The following NAV2 variants were observed in gnomAD, a reference collection of about 807,000 sequenced individuals.
NAV2 encodes helicase, APC down-regulated 1.
In NAV2, 54 loss-of-function variants were observed where a neutral mutation model predicts 223.2. That is an observed-to-expected ratio of 0.24 (90% CI 0.19 to 0.30). The LOEUF (loss-of-function observed/expected upper bound fraction) is 0.30, where lower values mean the gene tolerates loss of function less well. Ranked by LOEUF, NAV2 falls within the 10% of genes least tolerant of loss-of-function variation. NAV2 has a pLI of 1.00. For missense variants in NAV2, 2,806 were observed against 3,147.5 expected (o/e 0.89, Z 2.60); for synonymous variants, 1,279 against 1,239.3 (o/e 1.03, Z -0.67).
intron 1 of NAV2, among the ~76,000 whole-genome samples, chr11:19,772,646 G>A (rs556403205): frequency 6.6e-6 from 1 of 152,302 alleles, no homozygotes; most frequent in South Asian, 2.1e-4. Flanking sequence ...CCTCCCCATG[G>A]GGTGCCACAG....
intron 10 of NAV2, among the ~76,000 whole-genome samples, chr11:19,969,807 G>C (rs111359253): frequency 6.6e-6 from 1 of 151,730 alleles, no homozygotes; most frequent in African/African-American, 2.4e-5. Flanking sequence ...TTAGCCAGGC[G>C]TGGTGGCAGG....
Position 19,399,139 on chromosome 11 carries a change from C to T in NAV2, c.75+48112C>T, listed in dbSNP as rs550222008. ...GACTTGTTGGCCCTGTTCCACGGCA[C>T]GAGAAAGTGGATATTAAGAAGATAA... On this transcript the variant is annotated intron_variant, in intron 1 of 37. Coordinates refer to the NAV2 transcript ENST00000360655. Among the ~76,000 whole-genome samples the T allele has an allele frequency of 1.5e-4, 23 of 152,218 alleles. No individual in the cohort carries two copies. In the South Asian group the frequency reaches 3.5e-3, roughly 23 times the overall value.
chr11:19,690,621 A>G lies in NAV2; in HGVS notation c.76-141863A>G, dbSNP rs1180184301. ...AAGGAGGCAGTGACAATGGGGACAC[A>G]TGTGTTGGTTCCCCACCATATGTGA... is the stretch of plus-strand genomic sequence containing the variant. On this transcript the variant is annotated intron_variant, in intron 1 of 37. Transcript: ENST00000360655. Among the ~76,000 whole-genome samples the G allele has an allele frequency of 7.9e-5, 12 of 152,232 alleles. 1 individual carries two copies.
intron 10 of NAV2, among the ~76,000 whole-genome samples, chr11:19,961,605 G>T (rs940134599): frequency 3.3e-5 from 5 of 152,166 alleles, no homozygotes; most frequent in Non-Finnish European, 7.3e-5. Flanking sequence ...AGAGGCAGAA[G>T]ACCTGACTTC....
intron 1 of NAV2, among the ~76,000 whole-genome samples, chr11:19,516,387 C>T (rs1048699829): frequency 4.6e-5 from 7 of 152,188 alleles, no homozygotes; most frequent in African/African-American, 7.2e-5. Flanking sequence ...CTAACAACAC[C>T]GTGGGCGGGA....
intron 1 of NAV2, among the ~76,000 whole-genome samples, chr11:19,418,844 C>T (rs759060361): frequency 6.6e-5 from 10 of 151,968 alleles, no homozygotes; most frequent in South Asian, 2.1e-4. Context: ...TCAGGGAGAC[C>T]GGTTAGGCTA....
At chr11:19,935,214 T>G (rs2045739958) in intron 7 of NAV2, among the ~76,000 whole-genome samples, 1 of 152,220 alleles carries the variant, frequency 6.6e-6, no homozygotes. Flanking sequence ...GCAGTGCATT[T>G]GGCCACATTG....
At position 19,525,558 on chromosome 11, in the gene NAV2, G is replaced by T. The variant is rs945961550; in HGVS notation, c.75+174531G>T. On this transcript the variant is annotated intron_variant, in intron 1 of 37. Transcript: ENST00000360655. ...GTGCCCAGGGAGCCACGCAGGGGAA[G>T]AAGGTTAGAAGGCTGGGTAGTCCCT... is the stretch of plus-strand genomic sequence containing the variant. Among the ~76,000 whole-genome samples, 4 of 152,326 alleles carry T rather than the reference G, an allele frequency of 2.6e-5. 1 individual carries two copies. The South Asian group carries it at 8.3e-4, about 32-fold the overall frequency.
chr11:20,026,450 AC>A (rs1200229396), intron 11 of NAV2, among the ~76,000 whole-genome samples: 6 of 151,998 alleles, frequency 3.9e-5, no homozygotes, highest in African/African-American at 1.4e-4. Flanking sequence ...AGCTAGGACT[AC>A]AGGTGCCTGC....
At chr11:19,940,039 C>T (rs2153321566) in intron 8 of NAV2, among the ~76,000 whole-genome samples, 1 of 151,750 alleles carries the variant, frequency 6.6e-6, no homozygotes, top group African/African-American at 2.4e-5. Context: ...TTTTAAGATA[C>T]GTTCAGTTTT....
chr11:19,848,528 G>A (rs2060933251), intron 3 of NAV2, among the ~76,000 whole-genome samples: 1 of 152,212 alleles, frequency 6.6e-6, no homozygotes, highest in African/African-American at 2.4e-5. Flanking sequence ...ACAGCTGAGA[G>A]CAAGGGCTGG....
rs2050010165 is a variant in NAV2, at chr11:19,713,496, A to T, written c.-200A>T. On this transcript the variant is annotated 5_prime_UTR_variant, in exon 1 of 38. Coordinates refer to ENST00000349880, the MANE Select transcript of NAV2 (RefSeq NM_145117.5). The surrounding 1 kb of genome is among the most constrained non-coding windows in gnomAD (Gnocchi z 7.2). ...CGCTGAGCGCCGTGGCCAGTCCCCC[A>T]TTCCCATCCCGGCACCCCAAAGGCG... is the stretch of plus-strand genomic sequence containing the variant. 7.3e-7 allele frequency: 1 copy of T among 1,376,940 alleles called. No homozygotes were observed. Among genetic ancestry groups the T allele is most frequent in the African/African-American group, 1.5e-5 (1 of 67,172 alleles). 85.3% of individuals were successfully genotyped at this position (1,376,940 alleles called of 1,614,324 possible).
At chr11:19,594,298 ATCTG>A (rs1174990958) in intron 1 of NAV2, among the ~76,000 whole-genome samples, 2 of 152,176 alleles carry the variant, frequency 1.3e-5, no homozygotes, top group African/African-American at 4.8e-5. Context: ...ACAGATTTCT[ATCTG>A]TCTGTGTCAT....
At position 19,697,911 on chromosome 11, in the gene NAV2, C is replaced by T. The variant is rs145862755; in HGVS notation, c.76-134573C>T. On this transcript the variant is annotated intron_variant, in intron 1 of 37. Transcript: ENST00000360655. The stretch of plus-strand genomic sequence containing the variant: ...CTCTTGCTTTGACACGTTATCGTAA[C>T]GCTGGGGTCAGTCCTAGAGCAGCTG... Among the ~76,000 whole-genome samples the T allele has an allele frequency of 5.8e-3, 883 of 152,278 alleles. 3 individuals carry two copies. The highest frequency in any genetic ancestry group is 7.6e-3 in the Admixed American group (116 of 15,300).
intron 13 of NAV2, 40 bp from the exon 14 acceptor site, chr11:20,044,928 C>G (rs991350244): frequency 2.0e-5 from 30 of 1,530,270 alleles, no homozygotes; most frequent in Non-Finnish European, 2.7e-5. Flanking sequence ...GATGAGCTGG[C>G]TCTTGGCTTG....
chr11:19,679,630 T>A (rs1055861498), intron 1 of NAV2, among the ~76,000 whole-genome samples: 3 of 152,186 alleles, frequency 2.0e-5, no homozygotes, highest in Admixed American at 2.0e-4. Context: ...AAGATTCATC[T>A]CAAACATCAC....
intron 1 of NAV2, among the ~76,000 whole-genome samples, chr11:19,680,722 G>A (rs1388490869): frequency 6.6e-6 from 1 of 152,214 alleles, no homozygotes; most frequent in Non-Finnish European, 1.5e-5. Context: ...GTTCCTGTGA[G>A]AATGAGAGCT....
intron 1 of NAV2, among the ~76,000 whole-genome samples, chr11:19,525,291 G>A (rs1242306906): frequency 6.6e-6 from 1 of 152,148 alleles, no homozygotes. Flanking sequence ...GGTCTCCAGT[G>A]GCCCCTTTCC....
rs1190128905 is a variant in NAV2, at chr11:20,049,147, T to C, written c.4322T>C (p.Leu1441Ser). Residue 1441 changes from leucine to serine, a missense_variant, in exon 15 of 38, where the codon TTG becomes TCG. Transcript: ENST00000349880. ...ATCGCCTCCTCCAAGGACGACTCCT[T>C]GACTCCCTTTGTCAGAACTAACAGT... ...GLIASSKDDS[L>S]TPFVRTNSVK... 1.2e-6 allele frequency: 2 copies of C among 1,612,234 alleles called. No individual in the cohort carries two copies. Among genetic ancestry groups the C allele is most frequent in the African/African-American group, 2.7e-5 (2 of 74,900 alleles).
Sources: gnomAD v4.1 joint callset for allele counts (sites outside exome capture counted in the v4.1 genomes callset) on GRCh38, gnomAD v4.1.1 for gene constraint, Gnocchi (gnomAD v3.1) non-coding constraint, MANE v1.5 for transcripts, NCBI Gene and HGNC (gene_info 2026-07-23, HGNC 2026-07-21) for gene names.